The following KCNC2 variants were observed in gnomAD, a reference collection of about 807,000 sequenced individuals.
KCNC2 encodes the protein voltage-gated potassium channel KCNC2.
Under a neutral mutation model 44.5 loss-of-function variants are expected in KCNC2, and 21 were observed. The observed-to-expected ratio is 0.47, with a 90% CI of 0.33 to 0.68. The LOEUF (loss-of-function observed/expected upper bound fraction) is 0.68. KCNC2 is among the 30% of genes least tolerant of loss of function. KCNC2 has a pLI of 0.01. For missense variants in KCNC2, 589 were observed against 826.2 expected, an observed-to-expected ratio of 0.71 and a Z score of 3.52; for synonymous variants, 391 against 339.1, an observed-to-expected ratio of 1.15 and a Z score of -1.68.
At position 75,040,985 on chromosome 12, in the gene KCNC2, A is replaced by G; in HGVS notation, c.*2120T>C. 1.3e-6 allele frequency: 1 copy of G among 757,060 alleles called. No individual in the cohort carries two copies. Among genetic ancestry groups the G allele is most frequent in the Non-Finnish European group, 2.2e-6 (1 of 444,504 alleles). The allele number at this position is 757,060 out of a possible 1,614,324, so 46.9% of individuals were successfully genotyped here. A position where few individuals can be genotyped will look rare whatever the true frequency, so the allele number is the denominator to read the frequency against. ...GTTTCATGGACACTGGCCAGTCTAC[A>G]AGCAGAGCACTCTCATGGGGAGCAC... is the stretch of plus-strand genomic sequence containing the variant. On this transcript the variant is annotated 3_prime_UTR_variant, in exon 5 of 5. Coordinates refer to ENST00000549446, the MANE Select transcript of KCNC2 (RefSeq NM_139137.4).
chr12:75,168,280 T>C (rs567249153), intron 2 of KCNC2, among the ~76,000 whole-genome samples: 1 of 151,582 alleles, frequency 6.6e-6, no homozygotes, highest in Non-Finnish European at 1.5e-5. Context: ...TCTGTAAAAA[T>C]ATAACAATAA....
At chr12:75,052,565 A>C (rs1881292387) in intron 2 of KCNC2, among the ~76,000 whole-genome samples, 1 of 152,150 alleles carries the variant, frequency 6.6e-6, no homozygotes, top group African/African-American at 2.4e-5. Context: ...TCTAAACAAA[A>C]GAGTCATTCA....
chr12:75,178,484 TTG>T (rs1892344337), intron 2 of KCNC2, among the ~76,000 whole-genome samples: 1 of 152,148 alleles, frequency 6.6e-6, no homozygotes, highest in East Asian at 1.9e-4. Context: ...TTTCTTAAAA[TTG>T]TGTTTTGTTT....
chr12:75,078,135 T>C (rs1884162786), intron 2 of KCNC2, among the ~76,000 whole-genome samples: 1 of 152,194 alleles, frequency 6.6e-6, no homozygotes, highest in Admixed American at 6.5e-5. Context: ...ACCTTGTTTA[T>C]AATATGAATT....
At chr12:75,083,710 G>T (rs1302937725) in intron 2 of KCNC2, among the ~76,000 whole-genome samples, 1 of 151,748 alleles carries the variant, frequency 6.6e-6, no homozygotes, top group African/African-American at 2.4e-5. Flanking sequence ...AATAAATCAG[G>T]AAATTGGCAA....
At position 75,207,552 on chromosome 12, in the gene KCNC2, G is replaced by A. The variant is rs745993004; in HGVS notation, c.432C>T (p.Asp144=). The A allele has an allele frequency of 2.5e-6, 4 of 1,612,182 alleles. No homozygotes were observed. The highest frequency in any genetic ancestry group is 2.2e-5 in the East Asian group (1 of 44,848). ...AGCAGCAGGGCTCCACGTCGGTCTCGTCGATGCCCCAGAAGGCCAGCTCCT... is the reference window on the plus strand; with the variant it reads ...AGCAGCAGGGCTCCACGTCGGTCTCATCGATGCCCCAGAAGGCCAGCTCCT... ...FEEELAFWGI[D]ETDVEPCCWM... is the part of the protein sequence containing the mutation. The change falls in exon 2 of 5, where the codon GAC becomes GAT. Residue 144 remains aspartate, a synonymous_variant. Coordinates refer to ENST00000549446, the MANE Select transcript of KCNC2 (RefSeq NM_139137.4). The surrounding 1 kb of genome is among the most constrained non-coding windows in gnomAD (Gnocchi z 4.1).
intron 2 of KCNC2, among the ~76,000 whole-genome samples, chr12:75,182,731 G>A (rs1303975831): frequency 3.3e-5 from 5 of 152,064 alleles, no homozygotes; most frequent in Admixed American, 2.6e-4. Context: ...AGGGTTTGGG[G>A]CCGCACCCCA....
chr12:75,122,274 G>T (rs537403162), intron 2 of KCNC2, among the ~76,000 whole-genome samples: 1 of 152,288 alleles, frequency 6.6e-6, no homozygotes, highest in East Asian at 1.9e-4. Flanking sequence ...TCCAAAATTG[G>T]CCATTCAAAT....
chr12:75,122,950 A>T (rs967807548), intron 2 of KCNC2, among the ~76,000 whole-genome samples: 8 of 152,106 alleles, frequency 5.3e-5, no homozygotes, highest in African/African-American at 9.7e-5. Context: ...ATCCACTTTT[A>T]TATTGTTTAA....
chr12:75,042,320 A>G lies in KCNC2; in HGVS notation c.*785T>C, dbSNP rs149122594. The G allele has an allele frequency of 6.2e-7, 1 of 1,611,810 alleles. No individual in the cohort carries two copies. Among genetic ancestry groups the G allele is most frequent in the East Asian group, 2.2e-5 (1 of 44,770 alleles). On this transcript the variant is annotated 3_prime_UTR_variant, in exon 5 of 5. Transcript: ENST00000549446. ...TGTGCCTTCCCCAAGTCATTAAGTAAGAGATCTGGCCTCGGCTTGCGTGTA... is the reference window on the plus strand; with the variant it reads ...TGTGCCTTCCCCAAGTCATTAAGTAGGAGATCTGGCCTCGGCTTGCGTGTA...
intron 2 of KCNC2, among the ~76,000 whole-genome samples, chr12:75,063,264 A>C (rs1882517541): frequency 6.6e-6 from 1 of 152,072 alleles, no homozygotes; most frequent in South Asian, 2.1e-4. Flanking sequence ...TACATATGTA[A>C]AAATTTCCTT....
At chr12:75,195,573 A>C (rs1462675159) in intron 2 of KCNC2, among the ~76,000 whole-genome samples, 1 of 151,890 alleles carries the variant, frequency 6.6e-6, no homozygotes, top group East Asian at 1.9e-4. Flanking sequence ...AATTAGTCAA[A>C]ACTCCTCTTC....
chr12:75,122,260 A>T (rs1888098640), intron 2 of KCNC2, among the ~76,000 whole-genome samples: 2 of 152,322 alleles, frequency 1.3e-5, no homozygotes, highest in Non-Finnish European at 2.9e-5. Flanking sequence ...GACAGGAGGT[A>T]CCCTCCAAAA....
intron 2 of KCNC2, among the ~76,000 whole-genome samples, chr12:75,068,615 C>T (rs141599496): frequency 4.8e-4 from 73 of 152,142 alleles, no homozygotes; most frequent in African/African-American, 1.4e-3. Flanking sequence ...ACAAAAAGAT[C>T]ATATTTGGAC....
Position 75,041,795 on chromosome 12 carries a change from G to C in KCNC2, c.*1310C>G. On this transcript the variant is annotated 3_prime_UTR_variant, in exon 5 of 5. Transcript: ENST00000549446. ...TTCACAGTGCCGATTAACTTAGGTA[G>C]TCTACAGAGCATCATTAATTTATAC... The C allele has an allele frequency of 3.0e-6, 3 of 990,624 alleles. No homozygotes were observed. The highest frequency in any genetic ancestry group is 3.6e-6 in the Non-Finnish European group (3 of 833,084). The allele number at this position is 990,624 out of a possible 1,614,324, so 61.4% of individuals were successfully genotyped here. A position where few individuals can be genotyped will look rare whatever the true frequency, so the allele number is the denominator to read the frequency against.
intron 2 of KCNC2, among the ~76,000 whole-genome samples, chr12:75,108,032 G>A (rs1250294806): frequency 1.3e-5 from 2 of 152,168 alleles, no homozygotes; most frequent in Non-Finnish European, 2.9e-5. Flanking sequence ...TTAGGCCTAT[G>A]ACCTTTGGGA....
chr12:75,052,156 T>C (rs1225162773), intron 2 of KCNC2, among the ~76,000 whole-genome samples: 2 of 152,086 alleles, frequency 1.3e-5, no homozygotes, highest in Non-Finnish European at 1.5e-5. Context: ...CCATATACTG[T>C]TGAAAGTAAT....
intron 2 of KCNC2, among the ~76,000 whole-genome samples, chr12:75,117,480 G>A (rs1887749587): frequency 1.3e-5 from 2 of 152,096 alleles, no homozygotes; most frequent in Non-Finnish European, 2.9e-5. Context: ...CCAATAAATG[G>A]CTTTATAGTC....
chr12:75,073,039 A>G (rs920113814), intron 2 of KCNC2, among the ~76,000 whole-genome samples: 4 of 152,196 alleles, frequency 2.6e-5, no homozygotes, highest in Non-Finnish European at 4.4e-5. Context: ...GAAGCAAACT[A>G]AATTGAGAAT....
Sources: gnomAD v4.1 joint callset for allele counts (sites outside exome capture counted in the v4.1 genomes callset) on GRCh38, gnomAD v4.1.1 for gene constraint, Gnocchi (gnomAD v3.1) non-coding constraint, MANE v1.5 for transcripts, NCBI Gene and HGNC (gene_info 2026-07-23, HGNC 2026-07-21) for gene names.